The following DIAPH3 variants were observed in gnomAD, a reference collection of about 807,000 sequenced individuals.
DIAPH3 encodes the protein diaphanous related formin 3.
In DIAPH3, 117 loss-of-function variants were observed where a neutral mutation model predicts 144.3. The observed-to-expected ratio is 0.81, with a 90% CI of 0.70 to 0.95. The LOEUF (loss-of-function observed/expected upper bound fraction) is 0.95, where lower values mean the gene tolerates loss of function less well. Ranked by LOEUF, DIAPH3 falls within the 40% of genes least tolerant of loss-of-function variation. DIAPH3 has a pLI of 0.00. For missense variants in DIAPH3, 1,421 were observed against 1,412.7 expected, an observed-to-expected ratio of 1.01 and a Z score of -0.09; for synonymous variants, 519 against 488.9, an observed-to-expected ratio of 1.06 and a Z score of -0.81.
rs1196803562 is a variant in DIAPH3 at position 59,984,163 on chromosome 13, G to C, written c.1362-276C>G. On this transcript the variant is annotated intron_variant, in intron 12 of 27. Transcript: ENST00000400324. ...TCAAAACCTTGAATTAAGTAAATTA[G>C]CTGAAAGTGAAGTGATAAGTGCTTA... 2.0e-5 allele frequency among the ~76,000 whole-genome samples: 3 copies of C among 151,690 alleles called. No homozygotes were observed. In the East Asian group the frequency reaches 5.8e-4, roughly 29 times the overall value.
intron 27 of DIAPH3, among the ~76,000 whole-genome samples, chr13:59,773,536 TAAC>T (rs2038229524): frequency 6.6e-6 from 1 of 151,988 alleles, no homozygotes; most frequent in African/African-American, 2.4e-5. Flanking sequence ...CCCAAGGACA[TAAC>T]ACAGAGGGAA....
At chr13:59,698,308 T>G (rs188719864) in intron 27 of DIAPH3, among the ~76,000 whole-genome samples, 1 of 152,246 alleles carries the variant, frequency 6.6e-6, no homozygotes, top group Non-Finnish European at 1.5e-5. Context: ...TATGAGATTT[T>G]AAGTCTTTTC....
At chr13:59,762,491 T>C (rs2037653747) in intron 27 of DIAPH3, among the ~76,000 whole-genome samples, 1 of 152,206 alleles carries the variant, frequency 6.6e-6, no homozygotes, top group South Asian at 2.1e-4. Flanking sequence ...GGGCACCATT[T>C]TAAAGTCTGG....
At chr13:60,124,727 G>T (rs1301440970) in intron 2 of DIAPH3, among the ~76,000 whole-genome samples, 2 of 151,978 alleles carry the variant, frequency 1.3e-5, no homozygotes, top group African/African-American at 4.8e-5. Flanking sequence ...GGTGGTGTAT[G>T]TCTGTAGTCC....
At position 59,774,752 on chromosome 13, in the gene DIAPH3, T is replaced by G. The variant is rs777126146; in HGVS notation, c.3235A>C (p.Arg1079=). ...CCTTTTGGCATCGGTGTCCTTTTTC[T>G]TCTGTCGCGGAAGGCAGCCCCGGAC... The part of the protein sequence containing the change: ...LQSGAAFRDR[R]KRTPMPKDVR... The change falls in exon 26 of 28, where the codon AGA becomes CGA. Residue 1079 remains arginine, a synonymous_variant. Transcript: ENST00000400324. 6.2e-7 allele frequency: 1 copy of G among 1,614,200 alleles called. No homozygotes were observed. Among genetic ancestry groups the G allele is most frequent in the Non-Finnish European group, 8.5e-7 (1 of 1,180,024 alleles).
In DIAPH3 at chr13:59,998,158, A is replaced by C. The variant is rs961548163; in HGVS notation, c.1015-5575T>G. Reference sequence around the variant, plus strand: ...AATTTTATACACATGCATTGAAGTAACTGCATATACCCCACATTGACTCAG... The same window carrying C: ...AATTTTATACACATGCATTGAAGTACCTGCATATACCCCACATTGACTCAG... On this transcript the variant is annotated intron_variant, in intron 9 of 27. Coordinates refer to ENST00000400324, the MANE Select transcript of DIAPH3 (RefSeq NM_001042517.2). Among the ~76,000 whole-genome samples, 3 of 152,144 alleles carry C rather than the reference A, an allele frequency of 2.0e-5. No homozygotes were observed. In the East Asian group the frequency reaches 5.8e-4, roughly 29 times the overall value.
intron 17 of DIAPH3, among the ~76,000 whole-genome samples, chr13:59,939,161 A>G (rs1318703093): frequency 6.6e-6 from 1 of 152,172 alleles, no homozygotes; most frequent in African/African-American, 2.4e-5. Flanking sequence ...TAAAATGTAT[A>G]CGTTCTTTCC....
intron 27 of DIAPH3, among the ~76,000 whole-genome samples, chr13:59,724,134 T>C (rs2138930192): frequency 6.6e-6 from 1 of 152,230 alleles, no homozygotes; most frequent in Middle Eastern, 3.4e-3. Flanking sequence ...TTTAGTGAAG[T>C]ATGAATTTTA....
At chr13:59,761,198 C>A (rs2037565198) in intron 27 of DIAPH3, among the ~76,000 whole-genome samples, 5 of 152,152 alleles carry the variant, frequency 3.3e-5, no homozygotes, top group Admixed American at 3.3e-4. Context: ...GTCTAACCAT[C>A]ATTTCCCCTC....
At position 59,810,895 on chromosome 13, in the gene DIAPH3, C is replaced by CT. The variant is rs753024929; in HGVS notation, c.3055dup (p.Arg1019LysfsTer14). The CT allele has an allele frequency of 8.0e-5, 127 of 1,596,794 alleles. No individual in the cohort carries two copies. Among genetic ancestry groups the CT allele is most frequent in the Admixed American group, 4.6e-4 (26 of 57,112 alleles). ...ACGTTTTTCTTTTTCCTCTGCTTCT[C>CT]TTTTTTTGATATTCTCCTTTATTGC... On this transcript the variant is annotated frameshift_variant, in exon 25 of 28. Transcript: ENST00000400324. LOFTEE classifies it high-confidence loss of function.
At chr13:59,794,953 A>G (rs1176824750) in intron 25 of DIAPH3, among the ~76,000 whole-genome samples, 1 of 152,250 alleles carries the variant, frequency 6.6e-6, no homozygotes, top group Non-Finnish European at 1.5e-5. Context: ...TAACTTGTGA[A>G]TGCCTCAGTC....
At chr13:59,909,949 G>A (rs567812068) in intron 20 of DIAPH3, among the ~76,000 whole-genome samples, 2 of 152,172 alleles carry the variant, frequency 1.3e-5, no homozygotes, top group Admixed American at 1.3e-4. Context: ...GCATAACTTG[G>A]CTATTTTAAG....
intron 7 of DIAPH3, 152 bp from the exon 8 acceptor site, chr13:60,010,821 C>A: frequency 1.3e-6 from 1 of 779,072 alleles, no homozygotes; most frequent in Non-Finnish European, 2.0e-6. Context: ...CTAAAAAGTT[C>A]ATGGCTGGGC....
chr13:60,146,552 A>G (rs1951532624), intron 1 of DIAPH3, among the ~76,000 whole-genome samples: 1 of 152,196 alleles, frequency 6.6e-6, no homozygotes, highest in African/African-American at 2.4e-5. Flanking sequence ...CCAATACTGT[A>G]CCTAATTTGC....
intron 3 of DIAPH3, among the ~76,000 whole-genome samples, chr13:60,100,749 T>TA (rs371956680): frequency 2.0e-5 from 3 of 150,298 alleles, no homozygotes; most frequent in East Asian, 1.9e-4. Flanking sequence ...TAACTTGGGG[T>TA]AAAAAAAGAA....
At chr13:60,040,041 G>A (rs2055524357) in intron 5 of DIAPH3, among the ~76,000 whole-genome samples, 1 of 151,758 alleles carries the variant, frequency 6.6e-6, no homozygotes, top group Non-Finnish European at 1.5e-5. Context: ...TTCAAGACCA[G>A]CCTGGCCAAT....
intron 21 of DIAPH3, among the ~76,000 whole-genome samples, chr13:59,866,799 T>C (rs1327158833): frequency 6.6e-6 from 1 of 152,048 alleles, no homozygotes; most frequent in East Asian, 1.9e-4. Context: ...GGATTGTGTA[T>C]GCATAAAATA....
intron 27 of DIAPH3, among the ~76,000 whole-genome samples, chr13:59,692,947 TAATC>T (rs1239281392): frequency 6.6e-6 from 1 of 152,140 alleles, no homozygotes; most frequent in East Asian, 1.9e-4. Flanking sequence ...ATTAAACAAA[TAATC>T]AAACAAATAT....
At chr13:59,881,739 C>G (rs886920532) in intron 20 of DIAPH3, among the ~76,000 whole-genome samples, 7 of 151,904 alleles carry the variant, frequency 4.6e-5, no homozygotes, top group African/African-American at 1.7e-4. Flanking sequence ...CAAAGTGCTA[C>G]AAGTTCATGA....
Sources: allele counts gnomAD v4.1 joint callset (sites outside exome capture counted in the v4.1 genomes callset), GRCh38; gene constraint gnomAD v4.1.1; transcripts MANE v1.5; gene names NCBI Gene and HGNC (gene_info 2026-07-23, HGNC 2026-07-21).